STRADA: variants seen among roughly 807,000 people sequenced by gnomAD.
STRADA encodes the protein STE20 related adaptor alpha.
Under a neutral mutation model 55.0 loss-of-function variants are expected in STRADA, and 26 were observed. That is an observed-to-expected ratio of 0.47 (90% CI 0.35 to 0.66). The LOEUF is 0.66. Among genes scored for constraint, STRADA ranks in the 30% least tolerant of loss-of-function variants. The probability of loss-of-function intolerance (pLI) is 0.01; values close to 1 mark genes in which losing one functional copy is unlikely to be tolerated. For missense variants in STRADA, 443 were observed against 549.7 expected (o/e 0.81, Z 1.94); for synonymous variants, 197 against 210.9 (o/e 0.93, Z 0.57).
intron 1 of STRADA, among the ~76,000 whole-genome samples, chr17:63,740,086 C>CTCTATATA (rs2038779539): frequency 4.8e-5 from 2 of 41,524 alleles, no homozygotes; most frequent in South Asian, 2.1e-3. Flanking sequence ...ACATTTAACA[C>CTCTATATA]TATATATATA....
chr17:63,722,738 CTATT>C (rs891421292), intron 4 of STRADA, among the ~76,000 whole-genome samples: 2 of 152,156 alleles, frequency 1.3e-5, no homozygotes, highest in African/African-American at 2.4e-5. Context: ...ACATCTGGTG[CTATT>C]TATTTAAGTA....
chr17:63,740,107 T>TATACAC (rs1309095081), intron 1 of STRADA, among the ~76,000 whole-genome samples: 505 of 49,652 alleles, frequency 0.01, 85 homozygotes, highest in East Asian at 0.079. Context: ...TATATATATA[T>TATACAC]ACATACATAC....
Position 63,706,675 on chromosome 17 carries a change from G to A in STRADA, c.818C>T (p.Ala273Val). 1 of 1,614,056 alleles carries A rather than the reference G, an allele frequency of 6.2e-7. No homozygotes were observed. ...ATCCTTAAAGGGGACATGGCCGTTG[G>A]CCAGTTCACAGGCTGTGATTCCCAC... ...YSVGITACELANGHVPFKDMP... is the reference protein window; with the variant it reads ...YSVGITACELVNGHVPFKDMP... The change falls in exon 10 of 13, where the codon GCC (alanine) becomes GTC (valine). Residue 273 changes from alanine to valine, a missense_variant. Transcript: ENST00000336174.
chr17:63,713,428 T>G lies in STRADA; in HGVS notation c.326A>C (p.Asn109Thr). Reference sequence around the variant, plus strand: ...TACCTGCAAGAATGTTACCATCTCATTGGAACAAGCTTCTAGGTTAATCCT... The same window carrying G: ...TACCTGCAAGAATGTTACCATCTCAGTGGAACAAGCTTCTAGGTTAATCCT... ...VRRINLEACSNEMVTFLQGEL... is the reference protein window; with the variant it reads ...VRRINLEACSTEMVTFLQGEL... The change falls in exon 6 of 13, where the codon AAT becomes ACT. Residue 109 changes from asparagine to threonine, a missense_variant. Asn to Thr is a moderately conservative substitution (Grantham distance 65). Coordinates refer to ENST00000336174, the MANE Select transcript of STRADA (RefSeq NM_001003787.4). The G allele has an allele frequency of 6.2e-7, 1 of 1,614,096 alleles. No individual in the cohort carries two copies. The highest frequency in any genetic ancestry group is 1.3e-5 in the African/African-American group (1 of 75,030).
At chr17:63,738,197 C>T (rs889674669) in intron 1 of STRADA, among the ~76,000 whole-genome samples, 2 of 150,970 alleles carry the variant, frequency 1.3e-5, no homozygotes, top group East Asian at 1.9e-4. Context: ...AAAAATTAGC[C>T]GGGCATGGTG....
At chr17:63,707,171 A>G in intron 9 of STRADA, 76 bp downstream of exon 9, 2 of 1,575,306 alleles carry the variant, frequency 1.3e-6, no homozygotes, top group Non-Finnish European at 8.7e-7. Context: ...AGAGCCCCCG[A>G]CTCCAGGCAA....
intron 1 of STRADA, chr17:63,741,159 T>G (rs980202181): frequency 2.6e-5 from 4 of 152,070 alleles, no homozygotes; most frequent in Non-Finnish European, 5.9e-5. Context: ...TATGAACAAT[T>G]TTACCTACCC....
chr17:63,704,562 G>A lies in STRADA; in HGVS notation c.879C>T (p.Asn293=), dbSNP rs147552949. ...TATCCAACAGGCAGGGCACTGTGCC[G>A]TTCAGTTTCTCTAGCAGCATCTGGG... ...PATQMLLEKL[N]GTVPCLLDTS... is the part of the protein sequence containing the mutation. Residue 293 remains asparagine, a synonymous_variant, in exon 11 of 13, where the codon AAC becomes AAT. Transcript: ENST00000336174. 27 of 1,480,522 alleles carry A rather than the reference G, an allele frequency of 1.8e-5. No individual in the cohort carries two copies. The highest frequency in any genetic ancestry group is 1.1e-4 in the South Asian group (9 of 82,116). 91.7% of individuals were successfully genotyped at this position (1,480,522 alleles called of 1,614,324 possible).
intron 2 of STRADA, chr17:63,726,898 A>T: frequency 1.7e-6 from 1 of 587,098 alleles, no homozygotes; most frequent in South Asian, 2.2e-5. Context: ...TGCCTATTTG[A>T]TGAATAATTC....
chr17:63,710,460 T>C, intron 8 of STRADA, 31 bp downstream of exon 8: 2 of 1,612,354 alleles, frequency 1.2e-6, no homozygotes, highest in Non-Finnish European at 1.7e-6. Context: ...CTACCCACTG[T>C]AATCATGGGA....
At chr17:63,732,150 G>T (rs1440137852) in intron 1 of STRADA, among the ~76,000 whole-genome samples, 2 of 151,234 alleles carry the variant, frequency 1.3e-5, no homozygotes, top group African/African-American at 2.4e-5. Context: ...TTACAGGCGT[G>T]AGCCACCGCG....
chr17:63,735,293 G>A (rs1336009922), intron 1 of STRADA, among the ~76,000 whole-genome samples: 1 of 152,188 alleles, frequency 6.6e-6, no homozygotes, highest in Non-Finnish European at 1.5e-5. Flanking sequence ...TGACAATATG[G>A]CGTAGTAAAA....
At chr17:63,741,695 A>C (rs1426364236) in intron 1 of STRADA, 46 bp downstream of exon 1, 1 of 152,208 alleles carries the variant, frequency 6.6e-6, no homozygotes, top group African/African-American at 2.4e-5. Context: ...CAGAGCCAGG[A>C]GGGACTGGCC....
At chr17:63,724,749 G>C (rs548785338) in intron 3 of STRADA, among the ~76,000 whole-genome samples, 1 of 151,996 alleles carries the variant, frequency 6.6e-6, no homozygotes, top group Non-Finnish European at 1.5e-5. Context: ...TCCCATTAAT[G>C]ATGGGAAGAA....
chr17:63,707,238 C>A lies in STRADA; in HGVS notation c.753+9G>T, dbSNP rs755960385. 4.4e-5 allele frequency: 71 copies of A among 1,613,934 alleles called. No homozygotes were observed. Among genetic ancestry groups the A allele is most frequent in the Non-Finnish European group, 5.8e-5 (68 of 1,179,990 alleles). ...GGGTAGGGGAGCTCCTCTGGGCCCA[C>A]ACACAGACCTGCTGGAGGACCTCGG... On this transcript the variant is annotated intron_variant, in intron 9 of 12. Transcript: ENST00000336174.
chr17:63,736,797 A>G (rs577051134), intron 1 of STRADA, among the ~76,000 whole-genome samples: 6 of 151,314 alleles, frequency 4.0e-5, no homozygotes, highest in African/African-American at 1.2e-4. Flanking sequence ...GATGAAAAAT[A>G]TCACGGACAG....
chr17:63,708,038 G>A (rs537761351), intron 8 of STRADA, among the ~76,000 whole-genome samples: 8 of 151,914 alleles, frequency 5.3e-5, no homozygotes, highest in Admixed American at 3.3e-4. Flanking sequence ...CGCTGGGCCC[G>A]CCCAACTAAT....
chr17:63,724,440 GCCTA>G (rs2037509411), intron 3 of STRADA, among the ~76,000 whole-genome samples: 2 of 139,652 alleles, frequency 1.4e-5, no homozygotes, highest in Admixed American at 7.5e-5. Context: ...ACTGCGCCTG[GCCTA>G]CCTTTTTTTT....
chr17:63,713,000 CAAAAAAAAAA>C (rs5821401), intron 6 of STRADA, among the ~76,000 whole-genome samples: 1 of 125,536 alleles, frequency 8.0e-6, no homozygotes, highest in African/African-American at 2.9e-5. Flanking sequence ...GAATCCGTCT[CAAAAAAAAAA>C]AAAAAGAAAA....
Sources: gnomAD v4.1 joint callset for allele counts (sites outside exome capture counted in the v4.1 genomes callset) on GRCh38, gnomAD v4.1.1 for gene constraint, MANE v1.5 for transcripts, NCBI Gene and HGNC (gene_info 2026-07-23, HGNC 2026-07-21) for gene names.